The following YTHDC2 variants were observed in gnomAD, a reference collection of about 807,000 sequenced individuals.
The protein encoded by YTHDC2 is 3'-5' RNA helicase YTHDC2.
Under a neutral mutation model 174.9 loss-of-function variants are expected in YTHDC2, and 45 were observed. The observed-to-expected ratio is 0.26, with a 90% confidence interval of 0.20 to 0.33. YTHDC2 has a LOEUF of 0.33. Ranked by LOEUF, YTHDC2 falls within the 10% of genes least tolerant of loss-of-function variation. The pLI is 1.00. For synonymous variants in YTHDC2, 657 were observed against 574.5 expected, an observed-to-expected ratio of 1.14 and a Z score of -2.05; for missense variants, 1,650 against 1,723.7, an observed-to-expected ratio of 0.96 and a Z score of 0.76.
At chr5:113,533,906 C>G (rs1184170502) in intron 5 of YTHDC2, among the ~76,000 whole-genome samples, 2 of 152,020 alleles carry the variant, frequency 1.3e-5, no homozygotes, top group Admixed American at 6.6e-5. Flanking sequence ...AACCTAAAAC[C>G]CTTTCTGTCT....
intron 4 of YTHDC2, 37 bp downstream of exon 4, chr5:113,526,822 AAAAAATATATAT>A: frequency 2.8e-6 from 1 of 351,932 alleles, no homozygotes; most frequent in Non-Finnish European, 4.2e-6. Flanking sequence ...AAAAAAAAAA[AAAAAATATATAT>A]ATATATATAT....
intron 2 of YTHDC2, among the ~76,000 whole-genome samples, chr5:113,522,668 A>G (rs901419373): frequency 6.6e-6 from 1 of 152,180 alleles, no homozygotes; most frequent in African/African-American, 2.4e-5. Flanking sequence ...GAATGAAAGC[A>G]TAATAAGGAG....
At chr5:113,590,138 G>T (rs1449189767) in intron 26 of YTHDC2, among the ~76,000 whole-genome samples, 2 of 152,072 alleles carry the variant, frequency 1.3e-5, no homozygotes, top group African/African-American at 4.8e-5. Context: ...AACAACCTTT[G>T]TATATTCTTT....
In YTHDC2 at chr5:113,592,191, A is replaced by AT. The variant is rs113314175; in HGVS notation, c.4212+24dup. ...CAGGGATGGGCAGGTATACAATGGCATTTTTTTTTTTATTTACTTTTGTTT... is the reference window on the plus strand; with the variant it reads ...CAGGGATGGGCAGGTATACAATGGCATTTTTTTTTTTTATTTACTTTTGTTT... On this transcript the variant is annotated intron_variant, in intron 28 of 29. Coordinates refer to ENST00000161863, the MANE Select transcript of YTHDC2 (RefSeq NM_022828.5). 0.049 allele frequency: 65,625 copies of AT among 1,326,032 alleles called. 889 individuals carry two copies. The highest frequency in any genetic ancestry group is 0.19 in the African/African-American group (12,755 of 65,960). The allele number at this position is 1,326,032 out of a possible 1,614,324, so 82.1% of individuals were successfully genotyped here.
At chr5:113,560,954 A>C in intron 17 of YTHDC2, 126 bp from the exon 18 acceptor site, 2 of 710,944 alleles carry the variant, frequency 2.8e-6, no homozygotes, top group Non-Finnish European at 4.2e-6. Context: ...TAAGAAACAG[A>C]ATAGGATTTA....
rs1340495232 is a variant in YTHDC2, at chr5:113,533,062, TG to T, written c.842+18del. 3 of 1,612,120 alleles carry T rather than the reference TG, an allele frequency of 1.9e-6. No individual in the cohort carries two copies. In the African/African-American group the frequency reaches 4.0e-5, roughly 22 times the overall value. ...AGAAAGCAGGTAAAAACAGTTCTCA[TG>T]TATCTTCTCTTTTATCATGCTTAAA... On this transcript the variant is annotated intron_variant, in intron 5 of 29. Transcript: ENST00000161863.
chr5:113,577,022 A>G (rs1189883330), intron 23 of YTHDC2, among the ~76,000 whole-genome samples: 1 of 152,140 alleles, frequency 6.6e-6, no homozygotes, highest in Non-Finnish European at 1.5e-5. Context: ...GCCTAAAACA[A>G]AGATCTAAGT....
chr5:113,591,372 A>G, intron 27 of YTHDC2, 128 bp downstream of exon 27: 1 of 909,574 alleles, frequency 1.1e-6, no homozygotes, highest in Non-Finnish European at 1.7e-6. Context: ...ACTGAGAATA[A>G]GGGATATATT....
chr5:113,517,068 T>G (rs1215135581), intron 2 of YTHDC2, among the ~76,000 whole-genome samples: 1 of 152,242 alleles, frequency 6.6e-6, no homozygotes, highest in Non-Finnish European at 1.5e-5. Context: ...TTCAGATTTT[T>G]TAGACTTTAG....
chr5:113,526,317 T>A (rs1024677910), intron 3 of YTHDC2, among the ~76,000 whole-genome samples: 1 of 129,462 alleles, frequency 7.7e-6, no homozygotes, highest in Admixed American at 8.1e-5. Flanking sequence ...AAACATTATG[T>A]ACCAGAAATA....
At chr5:113,566,064 C>A in intron 21 of YTHDC2, 45 bp downstream of exon 21, 1 of 1,519,230 alleles carries the variant, frequency 6.6e-7, no homozygotes, top group Non-Finnish European at 8.8e-7. Context: ...ACTGAGAGTA[C>A]CCTGCCCATA....
In YTHDC2 at chr5:113,584,314, A is replaced by G; in HGVS notation, c.3660A>G (p.Lys1220=). Residue 1220 remains lysine (K), a synonymous_variant, in exon 26 of 30, where the codon AAA becomes AAG. Transcript: ENST00000161863. Reference sequence around the variant, plus strand: ...CTTCTTGCTCAAGAGTACTGATGAAATCTCCATCTCCAGCATTACACCCAC... The same window carrying G: ...CTTCTTGCTCAAGAGTACTGATGAAGTCTCCATCTCCAGCATTACACCCAC... ...ECTTAERVLM[K]SPSPALHPPQ... The G allele has an allele frequency of 6.2e-7, 1 of 1,611,774 alleles. No homozygotes were observed. The highest frequency in any genetic ancestry group is 8.5e-7 in the Non-Finnish European group (1 of 1,178,946).
rs770258470 is a variant in YTHDC2 at position 113,553,842 on chromosome 5, T to G, written c.2040T>G (p.Gly680=). The part of the protein sequence containing the change: ...QKKVLKNPPA[G]VRKIILSTNI... The stretch of plus-strand genomic sequence containing the variant: ...AAGTATTAAAAAACCCACCTGCAGG[T>G]GTTCGAAAAATAGTAAGCTTCATAA... The change falls in exon 15 of 30, where the codon GGT becomes GGG. Residue 680 remains glycine, a synonymous_variant. Transcript: ENST00000161863. 1 of 1,605,718 alleles carries G rather than the reference T, an allele frequency of 6.2e-7. No individual in the cohort carries two copies. The highest frequency in any genetic ancestry group is 8.5e-7 in the Non-Finnish European group (1 of 1,177,950).
At chr5:113,558,769 A>C (rs896570083) in intron 17 of YTHDC2, among the ~76,000 whole-genome samples, 1 of 152,018 alleles carries the variant, frequency 6.6e-6, no homozygotes, top group Non-Finnish European at 1.5e-5. Flanking sequence ...TAAAAATACA[A>C]AAATTAGCCA....
chr5:113,540,083 T>G (rs1775347228), intron 8 of YTHDC2, among the ~76,000 whole-genome samples: 1 of 152,156 alleles, frequency 6.6e-6, no homozygotes, highest in Non-Finnish European at 1.5e-5. Context: ...ATACGCAGTC[T>G]AGTTACATCG....
Position 113,593,641 on chromosome 5 carries a change from A to G in YTHDC2, c.*167A>G, listed in dbSNP as rs1404947207. 3.6e-6 allele frequency: 1 copy of G among 276,748 alleles called. No homozygotes were observed. The highest frequency in any genetic ancestry group is 4.8e-5 in the Admixed American group (1 of 21,016). The allele number at this position is 276,748 out of a possible 1,614,324, so 17.1% of individuals were successfully genotyped here. A position where few individuals can be genotyped will look rare whatever the true frequency, so the allele number is the denominator to read the frequency against. On this transcript the variant is annotated 3_prime_UTR_variant, in exon 30 of 30. Transcript: ENST00000161863. ...CATATACAGGAGAAAGGAAGCATTT[A>G]AATTTTTATAGTGATTATAGAGAAT...
intron 24 of YTHDC2, among the ~76,000 whole-genome samples, chr5:113,580,321 G>T (rs1014311306): frequency 6.6e-6 from 1 of 152,100 alleles, no homozygotes; most frequent in Non-Finnish European, 1.5e-5. Flanking sequence ...ATTGAGTATT[G>T]GGTACACAAG....
intron 4 of YTHDC2, among the ~76,000 whole-genome samples, chr5:113,531,465 T>A (rs72794121): frequency 2.0e-5 from 3 of 152,060 alleles, no homozygotes; most frequent in Non-Finnish European, 4.4e-5. Flanking sequence ...AGAGCAATTA[T>A]GTGGTCCTAA....
In YTHDC2 at chr5:113,592,194, T is replaced by TTC; in HGVS notation, c.4212+17_4212+18insCT. Reference sequence around the variant, plus strand: ...GGATGGGCAGGTATACAATGGCATTTTTTTTTTTATTTACTTTTGTTTCTG... The same window carrying TTC: ...GGATGGGCAGGTATACAATGGCATTTTCTTTTTTTTATTTACTTTTGTTTCTG... On this transcript the variant is annotated intron_variant, in intron 28 of 29. Transcript: ENST00000161863. 6.4e-7 allele frequency: 1 copy of TTC among 1,568,380 alleles called. No homozygotes were observed. Among genetic ancestry groups the TTC allele is most frequent in the Non-Finnish European group, 8.6e-7 (1 of 1,161,344 alleles).
Sources: allele counts gnomAD v4.1 joint callset (sites outside exome capture counted in the v4.1 genomes callset), GRCh38; gene constraint gnomAD v4.1.1; transcripts MANE v1.5; gene names NCBI Gene and HGNC (gene_info 2026-07-23, HGNC 2026-07-21).